MKRN1: variants seen among roughly 807,000 people sequenced by gnomAD.
The protein encoded by MKRN1 is E3 ubiquitin-protein ligase makorin-1.
In MKRN1, 9 loss-of-function variants were observed where a neutral mutation model predicts 55.5. The observed-to-expected ratio is 0.16, with a 90% CI of 0.10 to 0.28. The LOEUF is 0.28. Ranked by LOEUF, MKRN1 falls within the 10% of genes least tolerant of loss-of-function variation. MKRN1 has a pLI of 1.00. For missense variants in MKRN1, 488 were observed against 626.7 expected, an observed-to-expected ratio of 0.78 and a Z score of 2.36; for synonymous variants, 253 against 235.9, an observed-to-expected ratio of 1.07 and a Z score of -0.66.
At chr7:140,455,386 A>C in intron 6 of MKRN1, 153 bp from the exon 7 acceptor site, 1 of 928,528 alleles carries the variant, frequency 1.1e-6, no homozygotes, top group Non-Finnish European at 1.6e-6. Context: ...GTGTGTGCCA[A>C]TGCAAGAAAC....
At chr7:140,476,037 A>G (rs1321259289) in intron 1 of MKRN1, among the ~76,000 whole-genome samples, 4 of 152,214 alleles carry the variant, frequency 2.6e-5, no homozygotes, top group Non-Finnish European at 4.4e-5. Flanking sequence ...AGGAAAATAC[A>G]GGTGATTCCG....
intron 4 of MKRN1, among the ~76,000 whole-genome samples, chr7:140,457,441 A>C (rs907372542): frequency 1.3e-5 from 2 of 152,310 alleles, no homozygotes; most frequent in African/African-American, 4.8e-5. Context: ...CTTATAAAAA[A>C]CATGATTATA....
intron 1 of MKRN1, among the ~76,000 whole-genome samples, chr7:140,475,651 G>A (rs1396995428): frequency 3.9e-5 from 6 of 152,208 alleles, no homozygotes; most frequent in South Asian, 4.2e-4. Context: ...GGGACAGAGC[G>A]AGACCCTATC....
chr7:140,474,012 A>AAG (rs1409148429), intron 1 of MKRN1, among the ~76,000 whole-genome samples: 1 of 36,516 alleles, frequency 2.7e-5, no homozygotes, highest in African/African-American at 2.4e-4. Context: ...AAAAAAAGAA[A>AAG]GAAAGAAAGA....
At chr7:140,458,061 A>G (rs1272904509) in intron 4 of MKRN1, among the ~76,000 whole-genome samples, 1 of 152,218 alleles carries the variant, frequency 6.6e-6, no homozygotes, top group East Asian at 1.9e-4. Context: ...CCTGGCTCCC[A>G]TACACTGCTG....
chr7:140,476,688 A>G (rs1238575017), intron 1 of MKRN1, among the ~76,000 whole-genome samples: 1 of 151,838 alleles, frequency 6.6e-6, no homozygotes, highest in East Asian at 1.9e-4. Flanking sequence ...TATCCTGTTC[A>G]TGATACTGGA....
intron 1 of MKRN1, chr7:140,473,175 ATATAAG>A (rs903548206): frequency 2.4e-5 from 10 of 415,644 alleles, no homozygotes; most frequent in Middle Eastern, 3.5e-4. Flanking sequence ...AAACCAATGA[ATATAAG>A]TATATGTCTT....
At chr7:140,461,392 C>T (rs1369398913) in intron 2 of MKRN1, among the ~76,000 whole-genome samples, 1 of 152,144 alleles carries the variant, frequency 6.6e-6, no homozygotes, top group East Asian at 1.9e-4. Flanking sequence ...CCTGTCATCC[C>T]AACACTTTGG....
chr7:140,478,673 G>C (rs960185356), intron 1 of MKRN1: 2 of 152,762 alleles, frequency 1.3e-5, no homozygotes, highest in African/African-American at 4.8e-5. Flanking sequence ...CACGGAGAGA[G>C]GAGAGGGCCG....
rs779106753 is a variant in MKRN1, at chr7:140,479,153, G to A, written c.185+7C>T. ...CGCGCCCGGCGCTCCGCCGCGCAAC[G>A]TCCTACCTGCAGGTGACCTGTTTAG... On this transcript the variant is annotated splice_region_variant and intron_variant, in intron 1 of 7. Coordinates refer to ENST00000255977, the MANE Select transcript of MKRN1 (RefSeq NM_013446.4). 8 of 1,377,326 alleles carry A rather than the reference G, an allele frequency of 5.8e-6. No homozygotes were observed. Among genetic ancestry groups the A allele is most frequent in the Non-Finnish European group, 7.5e-6 (8 of 1,066,788 alleles). 85.3% of individuals were successfully genotyped at this position (1,377,326 alleles called of 1,614,324 possible). A position where few individuals can be genotyped will look rare whatever the true frequency, so the allele number is the denominator to read the frequency against.
At chr7:140,456,578 T>C in intron 5 of MKRN1, 74 bp downstream of exon 5, 2 of 1,569,660 alleles carry the variant, frequency 1.3e-6, no homozygotes, top group South Asian at 1.2e-5. Context: ...GTCCATCTGG[T>C]TGAAAGTTGG....
chr7:140,478,380 T>A (rs1239913772), intron 1 of MKRN1: 1 of 151,914 alleles, frequency 6.6e-6, no homozygotes, highest in Non-Finnish European at 1.5e-5. Flanking sequence ...AAACCAAACC[T>A]CTCTCTCTTC....
chr7:140,473,243 C>T (rs1194756096), intron 1 of MKRN1: 2 of 446,978 alleles, frequency 4.5e-6, no homozygotes, highest in African/African-American at 4.1e-5. Context: ...TCCAGATTCA[C>T]CCCAAGTTGA....
chr7:140,455,981 TC>T (rs1794455168), intron 5 of MKRN1, 81 bp from the exon 6 acceptor site: 2 of 1,272,180 alleles, frequency 1.6e-6, no homozygotes, highest in Non-Finnish European at 2.3e-6. Context: ...GTGTGTCGCC[TC>T]CAGACTTAAA....
At chr7:140,471,523 G>A (rs910523780) in intron 2 of MKRN1, among the ~76,000 whole-genome samples, 11 of 152,036 alleles carry the variant, frequency 7.2e-5, no homozygotes, top group African/African-American at 1.9e-4. Flanking sequence ...AGGCTGGAGC[G>A]CAGTGGCGGG....
At position 140,454,733 on chromosome 7, in the gene MKRN1, T is replaced by TA. The variant is rs779674250; in HGVS notation, c.1237-5dup. 39 of 1,613,588 alleles carry TA rather than the reference T, an allele frequency of 2.4e-5. No individual in the cohort carries two copies. The highest frequency in any genetic ancestry group is 2.9e-5 in the Non-Finnish European group (34 of 1,179,600). ...AGAAGTGGTTCCTTCGTTGGGCCTG[T>TA]AAAAAACAAGGCCATGATAGGGATG... On this transcript the variant is annotated splice_region_variant and splice_polypyrimidine_tract_variant and intron_variant, in intron 7 of 7. Transcript: ENST00000255977.
chr7:140,470,355 C>T (rs538618976), intron 2 of MKRN1, among the ~76,000 whole-genome samples: 73 of 152,164 alleles, frequency 4.8e-4, no homozygotes, highest in Non-Finnish European at 9.6e-4. Flanking sequence ...GAAGCCGAAC[C>T]GCGTGGATCA....
chr7:140,477,804 C>G (rs1795171367), intron 1 of MKRN1, among the ~76,000 whole-genome samples: 1 of 152,190 alleles, frequency 6.6e-6, no homozygotes, highest in Non-Finnish European at 1.5e-5. Context: ...ATGTAACTAG[C>G]ACATATAGAT....
At chr7:140,462,747 G>C (rs753337639) in intron 2 of MKRN1, among the ~76,000 whole-genome samples, 4 of 151,746 alleles carry the variant, frequency 2.6e-5, no homozygotes, top group African/African-American at 4.8e-5. Flanking sequence ...GGTGGATCAC[G>C]AGGTCAGGAG....
Sources: allele counts gnomAD v4.1 joint callset (sites outside exome capture counted in the v4.1 genomes callset), GRCh38; gene constraint gnomAD v4.1.1; transcripts MANE v1.5; gene names NCBI Gene and HGNC (gene_info 2026-07-23, HGNC 2026-07-21).